Variants in CHODL observed in about 807,000 individuals in gnomAD.
CHODL encodes chondrolectin.
In CHODL, 29 loss-of-function variants were observed where a neutral mutation model predicts 34.5. The ratio of observed to expected loss-of-function variants is 0.84; its 90% CI spans 0.63 to 1.15. The LOEUF is 1.15. CHODL is among the 50% of genes most tolerant of loss of function. The pLI, the probability that CHODL is intolerant of heterozygous loss-of-function variation, is 0.00. For synonymous variants in CHODL, 125 were observed against 116.1 expected (o/e 1.08, Z -0.49); for missense variants, 332 against 332.5 (o/e 1.00, Z 0.01).
intron 1 of CHODL, among the ~76,000 whole-genome samples, chr21:18,248,702 T>A (rs1320617461): frequency 1.6e-5 from 2 of 122,232 alleles, no homozygotes; most frequent in Non-Finnish European, 3.2e-5. Flanking sequence ...TACATATATA[T>A]GTATATAATA....
intron 2 of CHODL, among the ~76,000 whole-genome samples, chr21:18,224,266 G>C (rs2073910797): frequency 6.6e-6 from 1 of 152,260 alleles, no homozygotes; most frequent in South Asian, 2.1e-4. Context: ...TGATCGGCTA[G>C]AATAAGACTG....
chr21:18,021,631 C>T (rs1030088000), intron 1 of CHODL, among the ~76,000 whole-genome samples: 1 of 152,130 alleles, frequency 6.6e-6, no homozygotes, highest in Non-Finnish European at 1.5e-5. Context: ...TTTTATATAG[C>T]TTAGCTGAGT....
chr21:17,919,378 A>G (rs1008099934), intron 1 of CHODL, among the ~76,000 whole-genome samples: 1 of 152,078 alleles, frequency 6.6e-6, no homozygotes, highest in African/African-American at 2.4e-5. Context: ...TCAAACTTCA[A>G]TTCTTGACCT....
At chr21:18,200,928 A>G (rs748833493) in intron 2 of CHODL, among the ~76,000 whole-genome samples, 4 of 152,156 alleles carry the variant, frequency 2.6e-5, no homozygotes, top group African/African-American at 7.2e-5. Flanking sequence ...ACCAAAAGCT[A>G]GGAAGAAACA....
intron 1 of CHODL, among the ~76,000 whole-genome samples, chr21:17,954,115 A>C (rs868018157): frequency 5.3e-5 from 8 of 152,212 alleles, no homozygotes; most frequent in Non-Finnish European, 1.5e-5. Context: ...AAAGAAAAAA[A>C]TTTGTGTTGT....
intron 2 of CHODL, among the ~76,000 whole-genome samples, chr21:18,190,395 A>G (rs1163903679): frequency 6.6e-6 from 1 of 152,188 alleles, no homozygotes; most frequent in Non-Finnish European, 1.5e-5. Flanking sequence ...TGTTTGTGGG[A>G]AAAAAATTGA....
chr21:18,083,312 C>G (rs565559283), intron 2 of CHODL, among the ~76,000 whole-genome samples: 1 of 152,326 alleles, frequency 6.6e-6, no homozygotes, highest in African/African-American at 2.4e-5. Context: ...ACGGAAAAGC[C>G]TGTATGTCCA....
At chr21:18,248,344 A>G (rs912430034) in intron 1 of CHODL, among the ~76,000 whole-genome samples, 1 of 151,536 alleles carries the variant, frequency 6.6e-6, no homozygotes, top group Non-Finnish European at 1.5e-5. Context: ...GAACTAATCT[A>G]TGACATCATC....
At chr21:18,146,134 A>ATTTTTTTTTTTTTTTTTTTTTTT in intron 2 of CHODL, among the ~76,000 whole-genome samples, 1 of 139,558 alleles carries the variant, frequency 7.2e-6, no homozygotes, top group Non-Finnish European at 1.5e-5. Flanking sequence ...CGCCCGGTTA[A>ATTTTTTTTTTTTTTTTTTTTTTT]TTTTTTTTTT....
intron 2 of CHODL, among the ~76,000 whole-genome samples, chr21:18,073,185 G>C (rs2064825935): frequency 6.6e-6 from 1 of 152,024 alleles, no homozygotes; most frequent in African/African-American, 2.4e-5. Context: ...AAAACTTTTT[G>C]AAATAGACAA....
intron 2 of CHODL, among the ~76,000 whole-genome samples, chr21:18,145,159 G>C (rs547494591): frequency 1.3e-5 from 2 of 151,040 alleles, no homozygotes; most frequent in African/African-American, 4.8e-5. Flanking sequence ...CATTTGGGCC[G>C]GGCGCGGTGG....
At chr21:17,988,913 C>T (rs565585761) in intron 1 of CHODL, among the ~76,000 whole-genome samples, 14 of 152,116 alleles carry the variant, frequency 9.2e-5, no homozygotes, top group African/African-American at 3.1e-4. Context: ...GGTATATACC[C>T]AGTAATGGGA....
intron 2 of CHODL, among the ~76,000 whole-genome samples, chr21:18,222,856 A>T (rs1165755152): frequency 6.6e-6 from 1 of 152,180 alleles, no homozygotes; most frequent in Non-Finnish European, 1.5e-5. Flanking sequence ...TCTCTCCCCA[A>T]ATAATGAATT....
intron 2 of CHODL, among the ~76,000 whole-genome samples, chr21:18,043,793 A>T (rs551388039): frequency 3.9e-5 from 6 of 152,048 alleles, no homozygotes; most frequent in African/African-American, 1.4e-4. Flanking sequence ...GGTTTAATGG[A>T]CCCACAGTTC....
chr21:17,997,652 G>A (rs1404397261), intron 1 of CHODL, among the ~76,000 whole-genome samples: 1 of 152,130 alleles, frequency 6.6e-6, no homozygotes, highest in Non-Finnish European at 1.5e-5. Flanking sequence ...GAGATGAAAG[G>A]CACTTCTTAC....
chr21:17,992,882 G>T (rs1001423206), intron 1 of CHODL, among the ~76,000 whole-genome samples: 5 of 151,972 alleles, frequency 3.3e-5, no homozygotes, highest in African/African-American at 1.2e-4. Flanking sequence ...TGAAACTCCC[G>T]ACCTCAGGTG....
chr21:18,222,036 G>A (rs1049841614), intron 2 of CHODL, among the ~76,000 whole-genome samples: 1 of 152,214 alleles, frequency 6.6e-6, no homozygotes, highest in Non-Finnish European at 1.5e-5. Context: ...TGGGATGGGT[G>A]GCAAGGTGGA....
At chr21:17,959,157 A>G (rs2063514127) in intron 1 of CHODL, among the ~76,000 whole-genome samples, 2 of 152,142 alleles carry the variant, frequency 1.3e-5, no homozygotes, top group South Asian at 4.1e-4. Flanking sequence ...ATGTGCTACA[A>G]AATATTTCTG....
upstream of CHODL, among the ~76,000 whole-genome samples, chr21:18,240,279 C>G (rs948820391): frequency 6.6e-6 from 1 of 151,874 alleles, no homozygotes; most frequent in Admixed American, 6.6e-5. Context: ...GACATTCTGG[C>G]TGGGTAGAAT....
Sources: gnomAD v4.1 joint callset for allele counts (sites outside exome capture counted in the v4.1 genomes callset) on GRCh38, gnomAD v4.1.1 for gene constraint, MANE v1.5 for transcripts, NCBI Gene and HGNC (gene_info 2026-07-23, HGNC 2026-07-21) for gene names.